Variants in GRIN2B observed in about 807,000 individuals in gnomAD.
GRIN2B encodes glutamate ionotropic receptor NMDA type subunit 2B.
GRIN2B carries 5 observed loss-of-function variants against 114.5 expected under a neutral mutation model. The observed-to-expected ratio is 0.04, with a 90% CI of 0.02 to 0.09. The LOEUF is 0.09. Among genes scored for constraint, GRIN2B ranks in the 10% least tolerant of loss-of-function variants. GRIN2B has a pLI of 1.00. For synonymous variants in GRIN2B, 787 were observed against 745.1 expected (o/e 1.06, Z -0.92); for missense variants, 1,108 against 1,943.5 (o/e 0.57, Z 8.08).
Position 13,676,762 on chromosome 12 carries a change from AAG to A in GRIN2B, c.1011-905_1011-904del, listed in dbSNP as rs1374736579. Among the ~76,000 whole-genome samples the A allele has an allele frequency of 5.9e-5, 9 of 152,250 alleles. No homozygotes were observed. The East Asian group carries it at 1.7e-3, about 29-fold the overall frequency. The stretch of plus-strand genomic sequence containing the variant: ...AAGGTCTTGCCAAGCCCATACTTCT[AAG>A]AGTTGTGAGATGAGTACAGTAAGCA... On this transcript the variant is annotated intron_variant, in intron 4 of 13. Transcript: ENST00000609686.
rs748695010 is a variant in GRIN2B at position 13,675,841 on chromosome 12, A to G, written c.1029T>C (p.Thr343=). ...TGAAGGACAAATTCCTCCCCTCAAA[A>G]GTGACATTGATCAGATACCTGTAAA... is the stretch of plus-strand genomic sequence containing the variant. ...NMLNRYLINV[T]FEGRNLSFSE... is the part of the protein sequence containing the mutation. Residue 343 remains threonine, a synonymous_variant, in exon 5 of 14, where the codon ACT becomes ACC. Transcript: ENST00000609686. 8.8e-6 allele frequency: 14 copies of G among 1,590,858 alleles called. No homozygotes were observed. In the South Asian group the frequency reaches 1.4e-4, roughly 16 times the overall value.
Position 13,753,955 on chromosome 12 carries a change from A to T in GRIN2B, c.412-40T>A, listed in dbSNP as rs1278260163. 2 of 1,345,198 alleles carry T rather than the reference A, an allele frequency of 1.5e-6. No individual in the cohort carries two copies. The highest frequency in any genetic ancestry group is 2.1e-6 in the Non-Finnish European group (2 of 937,732). The allele number at this position is 1,345,198 out of a possible 1,614,324, so 83.3% of individuals were successfully genotyped here. On this transcript the variant is annotated intron_variant, in intron 3 of 13. Transcript: ENST00000609686. The surrounding 1 kb of genome is among the most constrained non-coding windows in gnomAD (Gnocchi z 6.2). ...GGACAAAAAAAGGAAGAGAGAAAAA[A>T]ATCAAACCAAAGATGGTAATGGAGA... is the stretch of plus-strand genomic sequence containing the variant.
intron 3 of GRIN2B, among the ~76,000 whole-genome samples, chr12:13,776,044 A>G (rs1255458717): frequency 1.3e-5 from 2 of 152,210 alleles, no homozygotes; most frequent in Non-Finnish European, 2.9e-5. Context: ...CATCAATGAT[A>G]GACTGGATAA....
chr12:13,958,807 C>T (rs771477524), intron 2 of GRIN2B, among the ~76,000 whole-genome samples: 13 of 152,196 alleles, frequency 8.5e-5, no homozygotes, highest in East Asian at 1.9e-4. Context: ...CACAAAAAGA[C>T]GAGAAGGTTA....
intron 2 of GRIN2B, among the ~76,000 whole-genome samples, chr12:13,942,374 A>G (rs1024979101): frequency 3.7e-5 from 5 of 133,924 alleles, no homozygotes; most frequent in African/African-American, 1.1e-4. Flanking sequence ...TACTATGTCT[A>G]TACTTCAGCC....
At chr12:13,802,900 C>T (rs542277548) in intron 3 of GRIN2B, among the ~76,000 whole-genome samples, 14 of 152,112 alleles carry the variant, frequency 9.2e-5, no homozygotes, top group African/African-American at 3.1e-4. Flanking sequence ...ACAGTTAACT[C>T]GGGAACACAC....
Position 13,561,346 on chromosome 12 carries a change from C to A in GRIN2B, c.*1437G>T, listed in dbSNP as rs768362827. The A allele has an allele frequency of 6.6e-6, 1 of 152,312 alleles. No individual in the cohort carries two copies. Among genetic ancestry groups the A allele is most frequent in the Non-Finnish European group, 1.5e-5 (1 of 68,064 alleles). The allele number at this position is 152,312 out of a possible 1,614,324, so 9.4% of individuals were successfully genotyped here. ...GAGGTGGTGGAGGGTCCCTCTCTGCCCCCGTCTCCCATTTCCAAGTCTCTT... is the reference window on the plus strand; with the variant it reads ...GAGGTGGTGGAGGGTCCCTCTCTGCACCCGTCTCCCATTTCCAAGTCTCTT... On this transcript the variant is annotated 3_prime_UTR_variant, in exon 14 of 14. Transcript: ENST00000609686.
At chr12:13,649,134 A>T (rs1949791097) in intron 5 of GRIN2B, among the ~76,000 whole-genome samples, 1 of 152,070 alleles carries the variant, frequency 6.6e-6, no homozygotes. Flanking sequence ...TGATCTTGCC[A>T]GGGGTTGTTA....
chr12:13,773,313 A>G (rs972200603), intron 3 of GRIN2B, among the ~76,000 whole-genome samples: 2 of 152,228 alleles, frequency 1.3e-5, no homozygotes, highest in African/African-American at 4.8e-5. Context: ...ACACCTGCAC[A>G]ATATTGAATG....
chr12:13,581,163 G>A (rs540065880), intron 10 of GRIN2B, among the ~76,000 whole-genome samples: 1 of 152,224 alleles, frequency 6.6e-6, no homozygotes, highest in Admixed American at 6.5e-5. Flanking sequence ...TTTTTCTAAG[G>A]TAAATATTCA....
chr12:13,805,832 A>C (rs980684774), intron 3 of GRIN2B, among the ~76,000 whole-genome samples: 7 of 152,112 alleles, frequency 4.6e-5, no homozygotes, highest in Non-Finnish European at 7.4e-5. Flanking sequence ...AAATCTCCTG[A>C]ATTTATTCAC....
At chr12:13,790,101 C>T (rs1197902369) in intron 3 of GRIN2B, among the ~76,000 whole-genome samples, 2 of 152,184 alleles carry the variant, frequency 1.3e-5, no homozygotes, top group Admixed American at 1.3e-4. Flanking sequence ...CTGAGGGATG[C>T]AAATATCCTT....
At chr12:13,840,813 ATGG>A (rs141589476) in intron 3 of GRIN2B, among the ~76,000 whole-genome samples, 3,119 of 152,024 alleles carry the variant, frequency 0.021, 99 homozygotes, top group African/African-American at 0.071. Flanking sequence ...GTTGGTGGTG[ATGG>A]TGGTGGTGTT....
intron 2 of GRIN2B, among the ~76,000 whole-genome samples, chr12:13,916,185 C>G (rs1866717030): frequency 6.6e-6 from 1 of 152,134 alleles, no homozygotes; most frequent in Non-Finnish European, 1.5e-5. Flanking sequence ...TTCCATTTCA[C>G]TCAGTCAAAA....
chr12:13,849,561 G>A (rs1288332279), intron 3 of GRIN2B, among the ~76,000 whole-genome samples: 1 of 152,044 alleles, frequency 6.6e-6, no homozygotes, highest in Non-Finnish European at 1.5e-5. Context: ...CCATTCAGAG[G>A]GGCGGTGGGG....
intron 3 of GRIN2B, among the ~76,000 whole-genome samples, chr12:13,855,349 A>C (rs1362970200): frequency 6.6e-6 from 1 of 152,226 alleles, no homozygotes; most frequent in African/African-American, 2.4e-5. Flanking sequence ...AAGGTCACAC[A>C]GTAAGTGGTG....
At chr12:13,979,528 GAAAA>G (rs201870750) in intron 2 of GRIN2B, among the ~76,000 whole-genome samples, 1 of 101,820 alleles carries the variant, frequency 9.8e-6, no homozygotes, top group African/African-American at 3.4e-5. Flanking sequence ...AAGCCAACCT[GAAAA>G]AAAAAAAAAA....
intron 3 of GRIN2B, among the ~76,000 whole-genome samples, chr12:13,848,220 C>T (rs1865500688): frequency 6.6e-6 from 1 of 152,178 alleles, no homozygotes; most frequent in Non-Finnish European, 1.5e-5. Flanking sequence ...TGAAATTCCA[C>T]TATTACAAAC....
At position 13,615,652 on chromosome 12, in the gene GRIN2B, G is replaced by T; in HGVS notation, c.1341C>A (p.Asp447Glu). ...ATTTTTTGATGTAACCCGGCTCCTCGTCTGTTTTATTCCTAGCCAATTAAA... is the reference window on the plus strand; with the variant it reads ...ATTTTTTGATGTAACCCGGCTCCTCTTCTGTTTTATTCCTAGCCAATTAAA... ...QKRIVTENKT[D>E]EEPGYIKKCC... is the part of the protein sequence containing the mutation. Residue 447 changes from aspartate (D) to glutamate (E), a missense_variant, in exon 7 of 14, where the codon GAC becomes GAA. This residue lies in a region of GRIN2B where 26 missense variants were observed against 23.5 expected (regional missense o/e 1.11). Coordinates refer to ENST00000609686, the MANE Select transcript of GRIN2B (RefSeq NM_000834.5). This position sits in a 1 kb window ranked among gnomAD's most constrained non-coding sequence, Gnocchi z 5.8. The T allele has an allele frequency of 6.2e-7, 1 of 1,612,652 alleles. No individual in the cohort carries two copies. Among genetic ancestry groups the T allele is most frequent in the South Asian group, 1.1e-5 (1 of 91,048 alleles).
Sources: allele counts gnomAD v4.1 joint callset (sites outside exome capture counted in the v4.1 genomes callset), GRCh38; gene constraint gnomAD v4.1.1; regional missense constraint gnomAD v4.1.1; non-coding constraint Gnocchi (gnomAD v3.1); transcripts MANE v1.5; gene names NCBI Gene and HGNC (gene_info 2026-07-23, HGNC 2026-07-21).